The following BRD8 variants were observed in gnomAD, a reference collection of about 807,000 sequenced individuals.
BRD8 encodes bromodomain containing 8.
BRD8 carries 67 observed loss-of-function variants against 143.1 expected under a neutral mutation model. The observed-to-expected ratio is 0.47, with a 90% CI of 0.38 to 0.57. The LOEUF is 0.57. BRD8 is among the 20% of genes least tolerant of loss of function. BRD8 has a pLI of 0.00. For missense variants in BRD8, 1,103 were observed against 1,503.0 expected, an observed-to-expected ratio of 0.73 and a Z score of 4.40; for synonymous variants, 505 against 517.1, an observed-to-expected ratio of 0.98 and a Z score of 0.32.
At chr5:138,174,896 T>G (rs1054327969) in intron 2 of BRD8, among the ~76,000 whole-genome samples, 2 of 150,994 alleles carry the variant, frequency 1.3e-5, no homozygotes, top group Admixed American at 6.6e-5. Context: ...CAAGTTTTTT[T>G]TTTTTTTTTT....
In BRD8 at chr5:138,143,372, C is replaced by T. The variant is rs535018670; in HGVS notation, c.3437+1805G>A. ...CACATGCCTGTAGTCCCAGCTACTC[C>T]GGAGGCTGAAGTGGGAAGATTGCTT... On this transcript the variant is annotated intron_variant, in intron 25 of 26. Coordinates refer to ENST00000254900, the MANE Select transcript of BRD8 (RefSeq NM_139199.2). 4.6e-5 allele frequency among the ~76,000 whole-genome samples: 7 copies of T among 151,688 alleles called. No individual in the cohort carries two copies. In the South Asian group the frequency reaches 8.4e-4, roughly 18 times the overall value.
At chr5:138,172,199 T>C (rs369976591) in intron 2 of BRD8, 65 bp from the exon 3 acceptor site, 6 of 1,329,840 alleles carry the variant, frequency 4.5e-6, no homozygotes, top group African/African-American at 4.4e-5. Flanking sequence ...ATGCTGAGAG[T>C]GCAAGGCTTG....
At chr5:138,140,232 T>C in intron 26 of BRD8, 66 bp from the exon 27 acceptor site, 1 of 1,242,626 alleles carries the variant, frequency 8.0e-7, no homozygotes, top group Non-Finnish European at 1.2e-6. Context: ...TGCAAGTTTA[T>C]TTTTTTGGCA....
intron 20 of BRD8, among the ~76,000 whole-genome samples, chr5:138,154,017 T>C (rs988275554): frequency 1.2e-4 from 18 of 152,214 alleles, no homozygotes; most frequent in Non-Finnish European, 2.4e-4. Flanking sequence ...CAATTCTGTT[T>C]TGACCCTTCC....
intron 20 of BRD8, chr5:138,156,822 A>AC (rs1561604140): frequency 1.0e-6 from 1 of 970,628 alleles, no homozygotes; most frequent in Non-Finnish European, 1.2e-6. Flanking sequence ...AACAAGTTTC[A>AC]AATACACACA....
At chr5:138,174,255 T>C (rs1304490671) in intron 2 of BRD8, among the ~76,000 whole-genome samples, 1 of 152,020 alleles carries the variant, frequency 6.6e-6, no homozygotes, top group Non-Finnish European at 1.5e-5. Context: ...TGTGGATAGT[T>C]TCACAAATGT....
chr5:138,140,204 C>A (rs751381811), intron 26 of BRD8, 38 bp from the exon 27 acceptor site: 1 of 1,428,222 alleles, frequency 7.0e-7, no homozygotes, highest in Non-Finnish European at 9.8e-7. Flanking sequence ...CTATTATGAA[C>A]CTTAAACACT....
At chr5:138,146,157 CA>C (rs1247047295) in intron 23 of BRD8, among the ~76,000 whole-genome samples, 1 of 148,804 alleles carries the variant, frequency 6.7e-6, no homozygotes, top group Non-Finnish European at 1.5e-5. Flanking sequence ...TCCCGGGTTC[CA>C]GCGATTCTCC....
At chr5:138,152,156 A>G (rs550733125) in intron 21 of BRD8, among the ~76,000 whole-genome samples, 1 of 122,734 alleles carries the variant, frequency 8.1e-6, no homozygotes, top group South Asian at 2.6e-4. Context: ...GCGCCCGGCC[A>G]TTTTTGTATT....
chr5:138,142,002 CCCTCCAAAATTCATG>C (rs1304348190), intron 25 of BRD8, among the ~76,000 whole-genome samples: 1 of 151,326 alleles, frequency 6.6e-6, no homozygotes, highest in African/African-American at 2.5e-5. Context: ...TGATGGTATC[CCCTCCAAAATTCATG>C]TTGAAACTTA....
rs763844198 is a variant in BRD8 at position 138,150,744 on chromosome 5, C to A, written c.3120+1G>T. 2 of 1,603,256 alleles carry A rather than the reference C, an allele frequency of 1.2e-6. No individual in the cohort carries two copies. The highest frequency in any genetic ancestry group is 2.2e-5 in the South Asian group (2 of 88,992). ...ACAGCTGATTTAAGTTACTTTCTTA[C>A]CTCTTCACTCTCTGTGAGTAGTCCC... On this transcript the variant is annotated splice_donor_variant, in intron 22 of 26. Coordinates refer to ENST00000254900, the MANE Select transcript of BRD8 (RefSeq NM_139199.2). LOFTEE classifies it high-confidence loss of function.
At position 138,161,020 on chromosome 5, in the gene BRD8, G is replaced by C. The variant is rs764990639; in HGVS notation, c.2298C>G (p.Ile766Met). The change falls in exon 18 of 27, where the codon ATC becomes ATG. Residue 766 changes from isoleucine (I) to methionine (M), a missense_variant. Ile to Met is a conservative substitution (Grantham distance 10). This residue lies in a region of BRD8 where 64 missense variants were observed against 211.3 expected (regional missense o/e 0.30). Coordinates refer to ENST00000254900, the MANE Select transcript of BRD8 (RefSeq NM_139199.2). ...CACGCTGAAATTCAGCTGTGCTTCG[G>C]ATCAGTCCATTTTCTATGTTTTTCT... ...TIKKNIENGLIRSTAEFQRDI... is the reference protein window; with the variant it reads ...TIKKNIENGLMRSTAEFQRDI... 6.2e-7 allele frequency: 1 copy of C among 1,613,722 alleles called. No individual in the cohort carries two copies.
chr5:138,159,516 T>C (rs758444202), intron 20 of BRD8, 39 bp downstream of exon 20: 18 of 1,608,214 alleles, frequency 1.1e-5, no homozygotes, highest in South Asian at 6.6e-5. Context: ...CTGAGAATCT[T>C]TGTGGCAACA....
chr5:138,175,412 A>C (rs1754240143), intron 2 of BRD8, among the ~76,000 whole-genome samples: 1 of 152,130 alleles, frequency 6.6e-6, no homozygotes. Context: ...TGATACCGAG[A>C]AAGGTAAAAT....
chr5:138,169,937 C>CA (rs144215238), intron 7 of BRD8, among the ~76,000 whole-genome samples: 1,712 of 152,306 alleles, frequency 0.011, 22 homozygotes, highest in South Asian at 0.048. Flanking sequence ...CCAGCCTGTG[C>CA]AGCAAGAGCA....
chr5:138,170,520 G>C (rs1263908962), intron 6 of BRD8, 111 bp from the exon 7 acceptor site: 1 of 1,120,096 alleles, frequency 8.9e-7, no homozygotes, highest in South Asian at 1.2e-5. Flanking sequence ...CTGGAAGAAA[G>C]GCCTAAACAG....
At position 138,149,621 on chromosome 5, in the gene BRD8, G is replaced by A. The variant is rs762085070; in HGVS notation, c.3278+19C>T. The A allele has an allele frequency of 1.3e-6, 2 of 1,560,750 alleles. No homozygotes were observed. Among genetic ancestry groups the A allele is most frequent in the Non-Finnish European group, 1.7e-6 (2 of 1,156,000 alleles). ...AGAAGTACGAATCTTAACAAACTTG[G>A]ATGAAAGTCTACGCTTACAGCTTTG... is the stretch of plus-strand genomic sequence containing the variant. On this transcript the variant is annotated intron_variant, in intron 23 of 26. Coordinates refer to ENST00000254900, the MANE Select transcript of BRD8 (RefSeq NM_139199.2).
At chr5:138,170,693 A>T in intron 6 of BRD8, 139 bp downstream of exon 6, 1 of 837,040 alleles carries the variant, frequency 1.2e-6, no homozygotes, top group South Asian at 1.5e-5. Flanking sequence ...CCCAGCCACC[A>T]AACCACTTTG....
At chr5:138,152,299 T>C (rs930684013) in intron 21 of BRD8, among the ~76,000 whole-genome samples, 183 bp downstream of exon 21, 6 of 152,248 alleles carry the variant, frequency 3.9e-5, no homozygotes, top group African/African-American at 1.4e-4. Context: ...CCAAAAAGCA[T>C]GTATTTGGTG....
Sources: allele counts gnomAD v4.1 joint callset (sites outside exome capture counted in the v4.1 genomes callset), GRCh38; gene constraint gnomAD v4.1.1; regional missense constraint gnomAD v4.1.1; transcripts MANE v1.5; gene names NCBI Gene and HGNC (gene_info 2026-07-23, HGNC 2026-07-21).